The following PAGE2B variants were observed in gnomAD, a reference collection of about 807,000 sequenced individuals.
The protein encoded by PAGE2B is putative G antigen family E member 3.
A neutral mutation model predicts 7.6 loss-of-function variants in PAGE2B; 5 were observed. The observed-to-expected ratio is 0.66, with a 90% CI of 0.34 to 1.38. The LOEUF is 1.38. PAGE2B is among the 40% of genes most tolerant of loss of function. PAGE2B has a pLI of 0.04. For synonymous variants in PAGE2B, 29 were observed against 26.7 expected, an observed-to-expected ratio of 1.09 and a Z score of -0.27; for missense variants, 70 against 78.4, an observed-to-expected ratio of 0.89 and a Z score of 0.41.
the PAGE2B span, among the ~76,000 whole-genome samples, chrX:55,042,653 CAAAAAAA>C: frequency 8.4e-5 from 1 of 11,855 alleles, no homozygotes; most frequent in Non-Finnish European, 1.2e-4. Flanking sequence ...GACTCCGTCT[CAAAAAAA>C]AAAAAAAAAA....
the PAGE2B span, among the ~76,000 whole-genome samples, chrX:55,037,471 A>C: frequency 9.0e-6 from 1 of 111,394 alleles, no homozygotes; most frequent in African/African-American, 3.3e-5. Context: ...AAACTAGTTC[A>C]ACCATTGTGG....
In PAGE2B at chrX:55,077,243, T is replaced by C. The variant is rs771007505; in HGVS notation, c.194-156T>C. On this transcript the variant is annotated intron_variant, in intron 3 of 4. Coordinates refer to ENST00000374971, the MANE Select transcript of PAGE2B (RefSeq NM_001015038.3). ...CCTTGGGAAAGGAAAGGGCAATGTT[T>C]GAACATCTCTGCTTTCCTGTTTTCC... Among the ~76,000 whole-genome samples the C allele has an allele frequency of 1.0e-3, 117 of 112,208 alleles. 2 individuals carry two copies. The highest frequency in any genetic ancestry group is 1.3e-3 in the Non-Finnish European group (70 of 53,128).
chrX:55,032,072 C>T, the PAGE2B span, among the ~76,000 whole-genome samples: 3 of 111,376 alleles, frequency 2.7e-5, no homozygotes, highest in South Asian at 3.8e-4. Context: ...CAAGGATTTT[C>T]CCCCCTCCAT....
At chrX:55,044,826 G>C in the PAGE2B span, 1 of 112,048 alleles carries the variant, frequency 8.9e-6, no homozygotes, top group Non-Finnish European at 1.9e-5. Flanking sequence ...CTCTGCTATA[G>C]ATTGCTGATG....
At chrX:55,041,150 C>T in the PAGE2B span, among the ~76,000 whole-genome samples, 5 of 95,584 alleles carry the variant, frequency 5.2e-5, no homozygotes, top group Non-Finnish European at 8.2e-5. Context: ...GGTGTGATCT[C>T]GGCTCACTGC....
chrX:55,032,875 T>C, the PAGE2B span, among the ~76,000 whole-genome samples: 2 of 111,602 alleles, frequency 1.8e-5, no homozygotes, highest in Non-Finnish European at 3.8e-5. Flanking sequence ...TTCTAGAAGG[T>C]ATTTCAAATG....
chrX:55,056,797 C>T, the PAGE2B span, among the ~76,000 whole-genome samples: 1 of 110,844 alleles, frequency 9.0e-6, no homozygotes. Flanking sequence ...TCTTCCCTGT[C>T]CTCATTTATT....
At chrX:55,035,156 A>G in the PAGE2B span, among the ~76,000 whole-genome samples, 1 of 111,265 alleles carries the variant, frequency 9.0e-6, no homozygotes, top group Non-Finnish European at 1.9e-5. Flanking sequence ...CCCAAAATCA[A>G]TACTTTGCAT....
At chrX:55,075,285 C>T (rs1325560634) in intron 1 of PAGE2B, among the ~76,000 whole-genome samples, 171 bp downstream of exon 1, 2 of 111,324 alleles carry the variant, frequency 1.8e-5, no homozygotes, top group Admixed American at 9.5e-5. Flanking sequence ...GACTTGTCGT[C>T]GTGGCTGGGC....
the PAGE2B span, among the ~76,000 whole-genome samples, chrX:55,044,524 A>G: frequency 9.0e-6 from 1 of 110,705 alleles, no homozygotes; most frequent in East Asian, 2.8e-4. Flanking sequence ...TGGGTGATGC[A>G]TGCACCATAA....
the PAGE2B span, among the ~76,000 whole-genome samples, chrX:55,047,760 G>A: frequency 9.0e-6 from 1 of 111,438 alleles, no homozygotes; most frequent in South Asian, 3.7e-4. Flanking sequence ...CTTTTTGATG[G>A]GGTTGTTTGT....
chrX:55,067,283 C>G, the PAGE2B span, among the ~76,000 whole-genome samples: 2 of 110,667 alleles, frequency 1.8e-5, no homozygotes, highest in Non-Finnish European at 3.8e-5. Context: ...TCAACTCCCA[C>G]TTATAAGTGA....
the PAGE2B span, among the ~76,000 whole-genome samples, chrX:55,041,336 C>G: frequency 9.0e-6 from 1 of 110,905 alleles, no homozygotes; most frequent in African/African-American, 3.3e-5. Context: ...CCCCATCAGC[C>G]TCCCAAAGTG....
At chrX:55,067,468 G>A in the PAGE2B span, among the ~76,000 whole-genome samples, 1 of 111,696 alleles carries the variant, frequency 9.0e-6, no homozygotes, top group Admixed American at 9.5e-5. Context: ...GGGAATTTGG[G>A]CTAGTTCCAA....
chrX:55,059,165 C>G, the PAGE2B span, among the ~76,000 whole-genome samples: 1 of 111,718 alleles, frequency 9.0e-6, no homozygotes, highest in East Asian at 2.8e-4. Context: ...TCTCACAGTT[C>G]TGGAGGCTGG....
chrX:55,044,284 C>G, the PAGE2B span, among the ~76,000 whole-genome samples: 1 of 111,540 alleles, frequency 9.0e-6, no homozygotes, highest in Non-Finnish European at 1.9e-5. Context: ...CCATGGAATA[C>G]TACTCAGCCA....
At chrX:55,069,967 A>G in the PAGE2B span, among the ~76,000 whole-genome samples, 1 of 109,998 alleles carries the variant, frequency 9.1e-6, no homozygotes, top group Non-Finnish European at 1.9e-5. Flanking sequence ...TGGTCTATAT[A>G]TTTTATTGAT....
the PAGE2B span, among the ~76,000 whole-genome samples, chrX:55,035,957 T>G: frequency 1.3e-4 from 14 of 111,670 alleles, no homozygotes; most frequent in Admixed American, 3.8e-4. Flanking sequence ...CCATTTGTTT[T>G]TATCCTCTTT....
At chrX:55,037,725 A>G in the PAGE2B span, among the ~76,000 whole-genome samples, 1 of 110,508 alleles carries the variant, frequency 9.0e-6, no homozygotes, top group Non-Finnish European at 1.9e-5. Flanking sequence ...TGCAGCCATA[A>G]AAAAGGATGA....
Sources: gnomAD v4.1 joint callset for allele counts (sites outside exome capture counted in the v4.1 genomes callset) on GRCh38, gnomAD v4.1.1 for gene constraint, MANE v1.5 for transcripts, NCBI Gene and HGNC (gene_info 2026-07-23, HGNC 2026-07-21) for gene names.